Variants in DCDC1 observed in about 807,000 individuals in gnomAD.
The protein encoded by DCDC1 is doublecortin domain containing 1, also known as doublecortin domain-containing protein 1.
In DCDC1, 200 loss-of-function variants were observed where a neutral mutation model predicts 178.3. The observed-to-expected ratio is 1.12, with a 90% CI of 1.00 to 1.26. The LOEUF (loss-of-function observed/expected upper bound fraction) is 1.26, where lower values mean the gene tolerates loss of function less well. DCDC1 is among the 50% of genes most tolerant of loss of function. DCDC1 has a pLI of 0.00. For synonymous variants in DCDC1, 690 were observed against 604.8 expected (o/e 1.14, Z -2.07); for missense variants, 1,983 against 1,749.2 (o/e 1.13, Z -2.38).
At chr11:30,930,363 G>A (rs1214392659) in intron 22 of DCDC1, among the ~76,000 whole-genome samples, 1 of 152,046 alleles carries the variant, frequency 6.6e-6, no homozygotes, top group Non-Finnish European at 1.5e-5. Context: ...CTAGGGGTGG[G>A]TGAATTCTAT....
intron 20 of DCDC1, among the ~76,000 whole-genome samples, chr11:31,006,856 C>T (rs1951875684): frequency 6.6e-6 from 1 of 152,282 alleles, no homozygotes; most frequent in East Asian, 1.9e-4. Context: ...TCTTATACCA[C>T]TTGATTATGG....
chr11:31,014,686 G>T (rs1023843473), intron 20 of DCDC1, among the ~76,000 whole-genome samples: 3 of 152,042 alleles, frequency 2.0e-5, no homozygotes, highest in Admixed American at 6.6e-5. Flanking sequence ...TTATTCCATG[G>T]TGTTTACCAA....
intron 3 of DCDC1, among the ~76,000 whole-genome samples, chr11:31,311,385 C>T (rs1420493609): frequency 1.3e-5 from 2 of 152,138 alleles, no homozygotes; most frequent in African/African-American, 2.4e-5. Flanking sequence ...ACTTGCATGG[C>T]CTGTCTGGCA....
chr11:31,289,860 G>A (rs1304689107), intron 7 of DCDC1, among the ~76,000 whole-genome samples: 1 of 151,964 alleles, frequency 6.6e-6, no homozygotes, highest in East Asian at 1.9e-4. Context: ...CATAGCTAGT[G>A]AATGGTGAAG....
intron 9 of DCDC1, among the ~76,000 whole-genome samples, chr11:31,171,690 A>G (rs1419117604): frequency 6.6e-6 from 1 of 152,248 alleles, no homozygotes; most frequent in Non-Finnish European, 1.5e-5. Context: ...GAGTCATTAT[A>G]TGACCTACCC....
At chr11:30,931,624 G>A in intron 22 of DCDC1, 147 bp downstream of exon 22, 1 of 770,762 alleles carries the variant, frequency 1.3e-6, no homozygotes, top group Non-Finnish European at 2.0e-6. Flanking sequence ...ATGAGTCCTA[G>A]TCTCTATTTT....
chr11:31,361,627 T>G (rs1011898682), intron 1 of DCDC1, among the ~76,000 whole-genome samples: 1 of 152,072 alleles, frequency 6.6e-6, no homozygotes, highest in East Asian at 1.9e-4. Flanking sequence ...ACTACAGGCA[T>G]GCACCACCAC....
At chr11:30,903,332 T>A (rs1313867022) in intron 32 of DCDC1, 150 bp downstream of exon 32, 21 of 745,620 alleles carry the variant, frequency 2.8e-5, no homozygotes, top group Non-Finnish European at 3.6e-5. Context: ...GAAAACAACA[T>A]GACAATTTCA....
chr11:31,244,646 T>C (rs1250379643), intron 8 of DCDC1, among the ~76,000 whole-genome samples: 1 of 151,770 alleles, frequency 6.6e-6, no homozygotes, highest in Non-Finnish European at 1.5e-5. Flanking sequence ...CTTTTGTGTA[T>C]TTTCATTAAG....
At chr11:31,224,284 G>C (rs963807938) in intron 9 of DCDC1, among the ~76,000 whole-genome samples, 2 of 151,834 alleles carry the variant, frequency 1.3e-5, no homozygotes, top group African/African-American at 4.8e-5. Context: ...GTCAATAAAT[G>C]GTGCTGGGAT....
chr11:31,287,650 G>C (rs186038181), intron 7 of DCDC1, among the ~76,000 whole-genome samples: 1 of 151,860 alleles, frequency 6.6e-6, no homozygotes. Flanking sequence ...AAAATCAATG[G>C]AGCAATACTA....
intron 9 of DCDC1, among the ~76,000 whole-genome samples, chr11:31,153,670 C>A (rs2136112204): frequency 6.6e-6 from 1 of 152,042 alleles, no homozygotes; most frequent in East Asian, 1.9e-4. Flanking sequence ...GTAATCCCAG[C>A]TACTCGGAAG....
intron 9 of DCDC1, among the ~76,000 whole-genome samples, chr11:31,170,723 G>A (rs996252114): frequency 6.6e-6 from 1 of 152,170 alleles, no homozygotes; most frequent in Non-Finnish European, 1.5e-5. Flanking sequence ...AAAGATGTCT[G>A]TTGCCTACTA....
intron 28 of DCDC1, among the ~76,000 whole-genome samples, chr11:30,910,223 G>T (rs1570336): frequency 6.6e-6 from 1 of 152,094 alleles, no homozygotes; most frequent in African/African-American, 2.4e-5. Context: ...AATTACCTTG[G>T]GGTCAAATTA....
intron 1 of DCDC1, among the ~76,000 whole-genome samples, chr11:31,356,099 A>T (rs912519225): frequency 7.2e-5 from 11 of 152,196 alleles, no homozygotes; most frequent in African/African-American, 2.7e-4. Flanking sequence ...TGTTTAGAGG[A>T]GATAGCTACA....
At chr11:31,288,578 T>C (rs1591650628) in intron 7 of DCDC1, among the ~76,000 whole-genome samples, 1 of 152,016 alleles carries the variant, frequency 6.6e-6, no homozygotes, top group Non-Finnish European at 1.5e-5. Context: ...GTACCACCCA[T>C]TCTCAATAAA....
intron 9 of DCDC1, among the ~76,000 whole-genome samples, chr11:31,219,199 T>C: frequency 6.6e-6 from 1 of 152,118 alleles, no homozygotes; most frequent in East Asian, 1.9e-4. Flanking sequence ...AATTTTAGAA[T>C]AAATTTAGAT....
At chr11:31,083,228 G>A (rs965234014) in intron 17 of DCDC1, among the ~76,000 whole-genome samples, 5 of 152,170 alleles carry the variant, frequency 3.3e-5, no homozygotes, top group Admixed American at 6.5e-5. Flanking sequence ...AAATATGAAA[G>A]ACGGTAAAGA....
At chr11:31,189,093 ATAAG>A (rs1969841582) in intron 9 of DCDC1, among the ~76,000 whole-genome samples, 1 of 152,162 alleles carries the variant, frequency 6.6e-6, no homozygotes, top group African/African-American at 2.4e-5. Flanking sequence ...CACCAAAACT[ATAAG>A]TAATAAATTT....
Sources: gnomAD v4.1 joint callset for allele counts (sites outside exome capture counted in the v4.1 genomes callset) on GRCh38, gnomAD v4.1.1 for gene constraint, MANE v1.5 for transcripts, NCBI Gene and HGNC (gene_info 2026-07-23, HGNC 2026-07-21) for gene names.